PCCA: variants seen among roughly 807,000 people sequenced by gnomAD.
PCCA encodes the protein propionyl-CoA carboxylase subunit alpha.
In PCCA, 74 loss-of-function variants were observed where a neutral mutation model predicts 101.3. The observed-to-expected ratio is 0.73, with a 90% CI of 0.61 to 0.89. The LOEUF is 0.89. Ranked by LOEUF, PCCA falls within the 40% of genes least tolerant of loss-of-function variation. The pLI, the probability that PCCA is intolerant of heterozygous loss-of-function variation, is 0.00. For synonymous variants in PCCA, 294 were observed against 313.6 expected (o/e 0.94, Z 0.66); for missense variants, 891 against 907.0 (o/e 0.98, Z 0.23).
intron 20 of PCCA, among the ~76,000 whole-genome samples, chr13:100,435,869 C>G (rs1279170759): frequency 6.6e-6 from 1 of 152,102 alleles, no homozygotes; most frequent in Admixed American, 6.5e-5. Context: ...CATCGTGAAA[C>G]CCCGTCTCTA....
rs74116336 is a variant in PCCA at position 100,187,108 on chromosome 13, A to G, written c.469-22224A>G. Among the ~76,000 whole-genome samples the G allele has an allele frequency of 7.8e-3, 1,186 of 152,356 alleles. 16 individuals carry two copies. Among genetic ancestry groups the G allele is most frequent in the African/African-American group, 0.027 (1,132 of 41,584 alleles). On this transcript the variant is annotated intron_variant, in intron 6 of 23. Coordinates refer to ENST00000376285, the MANE Select transcript of PCCA (RefSeq NM_000282.4). ...GACTCACTCCTGCAACCCTAAATGT[A>G]GCTATACTGATACAGGATTTGGCAG...
intron 19 of PCCA, among the ~76,000 whole-genome samples, chr13:100,401,771 AT>A (rs2077378446): frequency 6.6e-6 from 1 of 152,158 alleles, no homozygotes; most frequent in Admixed American, 6.5e-5. Context: ...AAAAGTGCCA[AT>A]CTTATTCTCC....
At chr13:100,346,709 G>T (rs2072281737) in intron 18 of PCCA, among the ~76,000 whole-genome samples, 2 of 152,112 alleles carry the variant, frequency 1.3e-5, no homozygotes, top group Non-Finnish European at 2.9e-5. Flanking sequence ...ATGAGAGGAA[G>T]AATCAATTGG....
intron 7 of PCCA, among the ~76,000 whole-genome samples, chr13:100,231,962 TGTA>T (rs1479347867): frequency 6.6e-6 from 1 of 152,226 alleles, no homozygotes. Context: ...TCTGTCTTAA[TGTA>T]GGTAAGGTCA....
intron 19 of PCCA, among the ~76,000 whole-genome samples, chr13:100,399,415 T>C (rs766418532): frequency 2.6e-5 from 4 of 152,208 alleles, no homozygotes; most frequent in Non-Finnish European, 5.9e-5. Flanking sequence ...CCCCTCCTCC[T>C]TAAAAGAAAT....
Position 100,530,281 on chromosome 13 carries a change from C to G in PCCA, c.*115C>G, listed in dbSNP as rs41281122. On this transcript the variant is annotated 3_prime_UTR_variant, in exon 24 of 24. Coordinates refer to ENST00000376285, the MANE Select transcript of PCCA (RefSeq NM_000282.4). ...CACCCCTGTGCAGCTACGTTTACGT[C>G]GTCATTTATTCCACAGAGTCAAGAC... The G allele has an allele frequency of 7.1e-6, 6 of 850,400 alleles. No individual in the cohort carries two copies. In the East Asian group the frequency reaches 1.5e-4, roughly 22 times the overall value. 52.7% of individuals were successfully genotyped at this position (850,400 alleles called of 1,614,324 possible).
intron 19 of PCCA, among the ~76,000 whole-genome samples, chr13:100,376,476 C>T (rs1391420079): frequency 6.6e-6 from 1 of 152,200 alleles, no homozygotes; most frequent in Non-Finnish European, 1.5e-5. Context: ...GGTACTCTGT[C>T]CCAGGGAGAT....
intron 20 of PCCA, among the ~76,000 whole-genome samples, chr13:100,439,604 A>G (rs1351826314): frequency 6.6e-6 from 1 of 151,718 alleles, no homozygotes; most frequent in African/African-American, 2.4e-5. Context: ...GCTGTTCTCT[A>G]TTTCTTACAG....
chr13:100,216,561 T>C (rs1031681793), intron 7 of PCCA, among the ~76,000 whole-genome samples: 1 of 152,234 alleles, frequency 6.6e-6, no homozygotes, highest in African/African-American at 2.4e-5. Flanking sequence ...CAGTGCTCAC[T>C]AGGTATTTGT....
chr13:100,107,318 C>T (rs962967564), intron 2 of PCCA, among the ~76,000 whole-genome samples: 2 of 152,088 alleles, frequency 1.3e-5, no homozygotes, highest in African/African-American at 4.8e-5. Context: ...TGGTAGCTTG[C>T]TTGGATCAAG....
chr13:100,232,083 T>G, intron 7 of PCCA, among the ~76,000 whole-genome samples: 1 of 152,210 alleles, frequency 6.6e-6, no homozygotes, highest in Non-Finnish European at 1.5e-5. Flanking sequence ...CATTTGTCAT[T>G]GCCTTGTATA....
At position 100,449,261 on chromosome 13, in the gene PCCA, C is replaced by A; in HGVS notation, c.1855C>A (p.Arg619=). 1.3e-6 allele frequency: 2 copies of A among 1,538,174 alleles called. No individual in the cohort carries two copies. Among genetic ancestry groups the A allele is most frequent in the Non-Finnish European group, 1.8e-6 (2 of 1,135,218 alleles). The change falls in exon 21 of 24, where the codon CGA becomes AGA. Residue 619 remains arginine (R), a synonymous_variant. Transcript: ENST00000376285. ...GTQRTVQCLS[R]EAGGNMSIQF... ...CTTGTTTGTTTTTTAGTGTCTTTCTCGAGAAGCAGGTGGAAACATGAGCAT... is the reference window on the plus strand; with the variant it reads ...CTTGTTTGTTTTTTAGTGTCTTTCTAGAGAAGCAGGTGGAAACATGAGCAT...
chr13:100,110,154 A>G (rs1246648602), intron 2 of PCCA, among the ~76,000 whole-genome samples: 2 of 151,896 alleles, frequency 1.3e-5, no homozygotes, highest in Admixed American at 1.3e-4. Flanking sequence ...AAACAAACAA[A>G]CTGCTCTAGG....
chr13:100,345,258 C>G (rs948519603), intron 18 of PCCA, among the ~76,000 whole-genome samples: 1 of 152,152 alleles, frequency 6.6e-6, no homozygotes, highest in African/African-American at 2.4e-5. Context: ...AATGGTTAGC[C>G]AAGTTGTGAA....
chr13:100,219,021 G>C (rs2059671457), intron 7 of PCCA, among the ~76,000 whole-genome samples: 1 of 152,144 alleles, frequency 6.6e-6, no homozygotes, highest in South Asian at 2.1e-4. Context: ...AAAGAGCTTG[G>C]CAGCAAATTT....
At chr13:100,283,068 T>A (rs1016612703) in intron 12 of PCCA, among the ~76,000 whole-genome samples, 5 of 151,920 alleles carry the variant, frequency 3.3e-5, no homozygotes, top group Non-Finnish European at 5.9e-5. Flanking sequence ...AAGGCAGACC[T>A]GGGGAAGTTT....
intron 6 of PCCA, among the ~76,000 whole-genome samples, chr13:100,188,449 A>G (rs928793500): frequency 4.6e-5 from 7 of 151,768 alleles, no homozygotes; most frequent in Admixed American, 1.3e-4. Context: ...GTATTTATCT[A>G]CTCGTCAATT....
At chr13:100,099,313 ATCT>A (rs1164898742) in intron 1 of PCCA, among the ~76,000 whole-genome samples, 1 of 144,502 alleles carries the variant, frequency 6.9e-6, no homozygotes, top group East Asian at 2.0e-4. Flanking sequence ...GTGCTATCTA[ATCT>A]TTTTTTTTTT....
chr13:100,331,886 A>AG (rs1232673010), intron 17 of PCCA, among the ~76,000 whole-genome samples: 1 of 148,006 alleles, frequency 6.8e-6, no homozygotes, highest in East Asian at 2.1e-4. Flanking sequence ...GAATTAATGA[A>AG]AAAAAAAAAA....
Sources: gnomAD v4.1 joint callset for allele counts (sites outside exome capture counted in the v4.1 genomes callset) on GRCh38, gnomAD v4.1.1 for gene constraint, MANE v1.5 for transcripts, NCBI Gene and HGNC (gene_info 2026-07-23, HGNC 2026-07-21) for gene names.